Variants in CHST11 observed in about 807,000 individuals in gnomAD.
CHST11 encodes C4S-1.
In CHST11, 9 loss-of-function variants were observed where a neutral mutation model predicts 30.4. The observed-to-expected ratio is 0.30, with a 90% confidence interval of 0.18 to 0.52. The LOEUF is 0.52. CHST11 is among the 20% of genes least tolerant of loss of function. The pLI, the probability that CHST11 is intolerant of heterozygous loss-of-function variation, is 0.97. For synonymous variants in CHST11, 152 were observed against 187.8 expected, an observed-to-expected ratio of 0.81 and a Z score of 1.56; for missense variants, 348 against 460.6, an observed-to-expected ratio of 0.76 and a Z score of 2.24.
chr12:104,513,134 G>GGGC (rs1453293351), intron 1 of CHST11, among the ~76,000 whole-genome samples: 1 of 107,930 alleles, frequency 9.3e-6, no homozygotes. Flanking sequence ...GGGGGGGGGG[G>GGGC]GGGTTGGGGG....
intron 2 of CHST11, among the ~76,000 whole-genome samples, chr12:104,652,487 A>G (rs1425999469): frequency 6.6e-6 from 1 of 152,120 alleles, no homozygotes; most frequent in Non-Finnish European, 1.5e-5. Context: ...AATTGTTCCA[A>G]TTTCCCCACA....
At chr12:104,564,367 A>C (rs1186775020) in intron 1 of CHST11, among the ~76,000 whole-genome samples, 1 of 152,242 alleles carries the variant, frequency 6.6e-6, no homozygotes, top group African/African-American at 2.4e-5. Flanking sequence ...GTGTTGGACG[A>C]ATGACAATTA....
At chr12:104,540,234 G>T (rs75346555) in intron 1 of CHST11, among the ~76,000 whole-genome samples, 5,902 of 152,208 alleles carry the variant, frequency 0.039, 396 homozygotes, top group African/African-American at 0.14. Flanking sequence ...GAATATGGAG[G>T]CTGATTGTAC....
intron 1 of CHST11, among the ~76,000 whole-genome samples, chr12:104,523,940 T>A (rs2135989903): frequency 6.6e-6 from 1 of 152,292 alleles, no homozygotes; most frequent in East Asian, 1.9e-4. Context: ...TAGAAGTCCC[T>A]ATCTCCCTGT....
chr12:104,738,959 T>G (rs1045733096), intron 2 of CHST11, among the ~76,000 whole-genome samples: 1 of 152,236 alleles, frequency 6.6e-6, no homozygotes, highest in Non-Finnish European at 1.5e-5. Flanking sequence ...GCCACCAGGT[T>G]GCAGGGTCCC....
At chr12:104,747,657 G>T (rs1288911523) in intron 2 of CHST11, among the ~76,000 whole-genome samples, 1 of 152,148 alleles carries the variant, frequency 6.6e-6, no homozygotes, top group East Asian at 1.9e-4. Context: ...GCTGAGAGGG[G>T]TTTTGCATTC....
chr12:104,496,068 G>A (rs1239538872), intron 1 of CHST11, among the ~76,000 whole-genome samples: 6 of 152,336 alleles, frequency 3.9e-5, no homozygotes, highest in South Asian at 4.1e-4. Context: ...CCCTGGGCTT[G>A]TAAAATACTC....
intron 1 of CHST11, among the ~76,000 whole-genome samples, chr12:104,466,478 A>G (rs1458911931): frequency 6.6e-6 from 1 of 152,218 alleles, no homozygotes. Flanking sequence ...CCCCATCTCC[A>G]TGCTTGCCAG....
At chr12:104,583,537 T>C (rs2038769126) in intron 1 of CHST11, among the ~76,000 whole-genome samples, 1 of 152,182 alleles carries the variant, frequency 6.6e-6, no homozygotes, top group South Asian at 2.1e-4. Context: ...GTGTGCACCC[T>C]CTGCCCCTGT....
intron 2 of CHST11, among the ~76,000 whole-genome samples, chr12:104,693,266 A>T (rs2039914803): frequency 6.6e-6 from 1 of 152,178 alleles, no homozygotes; most frequent in Non-Finnish European, 1.5e-5. Flanking sequence ...TCAACATATA[A>T]ATTTGAAGGG....
intron 1 of CHST11, among the ~76,000 whole-genome samples, chr12:104,492,632 A>C (rs1353682594): frequency 6.6e-6 from 1 of 152,208 alleles, no homozygotes; most frequent in Non-Finnish European, 1.5e-5. Context: ...ATCCCTTTTT[A>C]AGATTACACT....
chr12:104,469,590 TC>T, intron 1 of CHST11, among the ~76,000 whole-genome samples: 1 of 152,180 alleles, frequency 6.6e-6, no homozygotes, highest in Non-Finnish European at 1.5e-5. Flanking sequence ...GCCCTATGTC[TC>T]CACATTGGGC....
intron 2 of CHST11, among the ~76,000 whole-genome samples, chr12:104,646,245 T>C (rs1213085389): frequency 6.6e-6 from 1 of 152,090 alleles, no homozygotes; most frequent in East Asian, 1.9e-4. Context: ...TCCTCCTCCT[T>C]TTCTCTCTTG....
intron 2 of CHST11, among the ~76,000 whole-genome samples, chr12:104,619,914 C>T (rs1032801232): frequency 6.6e-6 from 1 of 152,152 alleles, no homozygotes; most frequent in Non-Finnish European, 1.5e-5. Context: ...GTAATCTTTG[C>T]GAAGGACCAA....
intron 2 of CHST11, among the ~76,000 whole-genome samples, chr12:104,631,118 T>TAAC (rs2039265884): frequency 6.6e-6 from 1 of 152,198 alleles, no homozygotes; most frequent in East Asian, 1.9e-4. Context: ...GGGATGCTGT[T>TAAC]AACCAAATGT....
chr12:104,491,840 C>G, intron 1 of CHST11, among the ~76,000 whole-genome samples: 1 of 152,276 alleles, frequency 6.6e-6, no homozygotes, highest in African/African-American at 2.4e-5. Flanking sequence ...CCACCACTCA[C>G]TGGGGCCCAC....
intron 2 of CHST11, among the ~76,000 whole-genome samples, chr12:104,607,163 C>A (rs1472970654): frequency 6.6e-6 from 1 of 152,178 alleles, no homozygotes; most frequent in Non-Finnish European, 1.5e-5. Flanking sequence ...AGGCCTTTGA[C>A]TCCTGGCTGG....
intron 2 of CHST11, among the ~76,000 whole-genome samples, chr12:104,725,127 C>G (rs1033544772): frequency 6.6e-6 from 1 of 152,180 alleles, no homozygotes; most frequent in Admixed American, 6.5e-5. Flanking sequence ...TCCCAGCTTT[C>G]TGACTCTCAA....
At chr12:104,735,199 G>A (rs145765397) in intron 2 of CHST11, among the ~76,000 whole-genome samples, 184 of 152,248 alleles carry the variant, frequency 1.2e-3, no homozygotes, top group Middle Eastern at 6.8e-3. Context: ...CTGCACCACC[G>A]GCTAGCTTTG....
Sources: gnomAD v4.1 joint callset for allele counts (sites outside exome capture counted in the v4.1 genomes callset) on GRCh38, gnomAD v4.1.1 for gene constraint, MANE v1.5 for transcripts, NCBI Gene and HGNC (gene_info 2026-07-23, HGNC 2026-07-21) for gene names.